The following CLDN16 variants were observed in gnomAD, a reference collection of about 807,000 sequenced individuals.
CLDN16 encodes the protein claudin 16, also known as claudin-16.
CLDN16 carries 13 observed loss-of-function variants against 24.6 expected under a neutral mutation model. That is an observed-to-expected ratio of 0.53 (90% CI 0.34 to 0.84). The LOEUF (loss-of-function observed/expected upper bound fraction) is 0.84, where lower values mean the gene tolerates loss of function less well. Among genes scored for constraint, CLDN16 ranks in the 40% least tolerant of loss-of-function variants. The pLI, the probability that CLDN16 is intolerant of heterozygous loss-of-function variation, is 0.01. For synonymous variants in CLDN16, 116 were observed against 106.7 expected, an observed-to-expected ratio of 1.09 and a Z score of -0.54; for missense variants, 298 against 292.7, an observed-to-expected ratio of 1.02 and a Z score of -0.13.
chr3:190,386,276 A>AT (rs35898023), upstream of CLDN16, among the ~76,000 whole-genome samples: 5 of 151,978 alleles, frequency 3.3e-5, no homozygotes, highest in Non-Finnish European at 7.4e-5. Flanking sequence ...AAAAACAGGT[A>AT]TTTTTTTTCC....
At chr3:190,321,911 G>T (rs1716931768), upstream of CLDN16, 1 of 1,107,028 alleles carries the variant, frequency 9.0e-7, no homozygotes, top group Non-Finnish European at 1.4e-6. Context: ...TCACACAACA[G>T]AATGAGCCCA....
At chr3:190,330,573 G>T (rs1717161682) in intron 1 of CLDN16, among the ~76,000 whole-genome samples, 1 of 152,034 alleles carries the variant, frequency 6.6e-6, no homozygotes, top group African/African-American at 2.4e-5. Context: ...TGAAGGGTGG[G>T]TTATTACATA....
At chr3:190,293,154 A>T in the CLDN16 span, among the ~76,000 whole-genome samples, 1 of 152,198 alleles carries the variant, frequency 6.6e-6, no homozygotes, top group African/African-American at 2.4e-5. Context: ...GTGGAAGGGG[A>T]AACAGGCATG....
At chr3:190,319,143 A>G (rs1716850318), upstream of CLDN16, among the ~76,000 whole-genome samples, 1 of 152,192 alleles carries the variant, frequency 6.6e-6, no homozygotes. Flanking sequence ...ATTAAAGTCA[A>G]GTAAGAAGAA....
intron 1 of CLDN16, among the ~76,000 whole-genome samples, chr3:190,364,150 T>C (rs1400390186): frequency 2.6e-5 from 4 of 151,928 alleles, no homozygotes; most frequent in Non-Finnish European, 5.9e-5. Context: ...TTCAGCCAGA[T>C]AATAGGACAC....
At chr3:190,358,764 T>G (rs1001940459) in intron 1 of CLDN16, among the ~76,000 whole-genome samples, 1 of 151,996 alleles carries the variant, frequency 6.6e-6, no homozygotes, top group Non-Finnish European at 1.5e-5. Flanking sequence ...CTGCCTAAAT[T>G]GAAATTCAAT....
intron 1 of CLDN16, among the ~76,000 whole-genome samples, chr3:190,337,440 G>A (rs769820399): frequency 5.9e-5 from 9 of 152,192 alleles, no homozygotes; most frequent in Non-Finnish European, 1.0e-4. Context: ...TGGCCCAATA[G>A]ATAAGAAGAA....
the CLDN16 span, among the ~76,000 whole-genome samples, chr3:190,317,086 T>C: frequency 2.0e-5 from 3 of 152,190 alleles, no homozygotes; most frequent in African/African-American, 4.8e-5. Flanking sequence ...TTGAAAGCTA[T>C]AAAACAACAA....
upstream of CLDN16, among the ~76,000 whole-genome samples, chr3:190,317,687 C>G: frequency 6.6e-6 from 1 of 152,106 alleles, no homozygotes; most frequent in East Asian, 1.9e-4. Flanking sequence ...GTTCCAGGAC[C>G]ACCCACAGGT....
intron 1 of CLDN16, among the ~76,000 whole-genome samples, chr3:190,351,062 G>A (rs1717662003): frequency 6.6e-6 from 1 of 152,046 alleles, no homozygotes; most frequent in African/African-American, 2.4e-5. Context: ...TGATTAATGA[G>A]TGGTAATTGA....
chr3:190,314,100 A>G, the CLDN16 span, among the ~76,000 whole-genome samples: 1 of 152,234 alleles, frequency 6.6e-6, no homozygotes, highest in East Asian at 1.9e-4. Flanking sequence ...CAAGAAACTT[A>G]GTATTGTTTG....
At chr3:190,397,768 C>T (rs1049006400) in intron 1 of CLDN16, among the ~76,000 whole-genome samples, 2 of 152,132 alleles carry the variant, frequency 1.3e-5, no homozygotes, top group African/African-American at 2.4e-5. Context: ...AGCATTAATA[C>T]CTAATGAAAT....
chr3:190,392,497 C>T (rs1718706159), intron 1 of CLDN16, among the ~76,000 whole-genome samples: 1 of 152,132 alleles, frequency 6.6e-6, no homozygotes, highest in Non-Finnish European at 1.5e-5. Context: ...AGACCTGGAG[C>T]CTCCCTAGGC....
chr3:190,340,428 G>C (rs1048216925), intron 1 of CLDN16, among the ~76,000 whole-genome samples: 30 of 152,182 alleles, frequency 2.0e-4, no homozygotes, highest in African/African-American at 6.8e-4. Flanking sequence ...TGGCAGACAA[G>C]AGCTTGTGCA....
intron 1 of CLDN16, among the ~76,000 whole-genome samples, chr3:190,341,909 T>C (rs2108629877): frequency 6.6e-6 from 1 of 152,318 alleles, no homozygotes; most frequent in African/African-American, 2.4e-5. Flanking sequence ...AGGGACAAAA[T>C]GCTGCCAGTC....
At chr3:190,375,561 G>T (rs1019044565) in intron 3 of CLDN16, among the ~76,000 whole-genome samples, 8 of 151,808 alleles carry the variant, frequency 5.3e-5, no homozygotes, top group African/African-American at 1.9e-4. Context: ...GATAGCAGGG[G>T]GTTAAAAAAC....
the CLDN16 span, among the ~76,000 whole-genome samples, chr3:190,291,908 G>T: frequency 1.3e-5 from 2 of 152,104 alleles, no homozygotes; most frequent in African/African-American, 4.8e-5. Flanking sequence ...CATGTCTCAC[G>T]TCCAGGGCAC....
the CLDN16 span, among the ~76,000 whole-genome samples, chr3:190,295,457 C>G: frequency 2.0e-5 from 3 of 152,132 alleles, no homozygotes; most frequent in Admixed American, 6.5e-5. Flanking sequence ...GTTGGACTCC[C>G]TCACAGTGAG....
At chr3:190,402,764 GTGCTGTAATTTCA>G in intron 2 of CLDN16, among the ~76,000 whole-genome samples, 1 of 152,106 alleles carries the variant, frequency 6.6e-6, no homozygotes, top group African/African-American at 2.4e-5. Flanking sequence ...ACTCTTTAGG[GTGCTGTAATTTCA>G]TTATTAAACT....
Sources: allele counts gnomAD v4.1 joint callset (sites outside exome capture counted in the v4.1 genomes callset), GRCh38; gene constraint gnomAD v4.1.1; transcripts MANE v1.5; gene names NCBI Gene and HGNC (gene_info 2026-07-23, HGNC 2026-07-21).